STXBP4: variants seen among roughly 807,000 people sequenced by gnomAD.
STXBP4 encodes the protein syntaxin-binding protein 4.
A neutral mutation model predicts 76.1 loss-of-function variants in STXBP4; 55 were observed. That is an observed-to-expected ratio of 0.72 (90% CI 0.58 to 0.91). The LOEUF is 0.91. STXBP4 is among the 40% of genes least tolerant of loss of function. The pLI, the probability that STXBP4 is intolerant of heterozygous loss-of-function variation, is 0.00. For synonymous variants in STXBP4, 201 were observed against 220.2 expected, an observed-to-expected ratio of 0.91 and a Z score of 0.77; for missense variants, 618 against 636.9, an observed-to-expected ratio of 0.97 and a Z score of 0.32.
intron 16 of STXBP4, among the ~76,000 whole-genome samples, chr17:55,131,239 T>C (rs2079970837): frequency 6.6e-6 from 1 of 152,240 alleles, no homozygotes; most frequent in Non-Finnish European, 1.5e-5. Context: ...CTCATTGTGA[T>C]TTTATTTTGC....
chr17:55,010,039 TTAAAATAAAA>T (rs764972642), intron 8 of STXBP4, among the ~76,000 whole-genome samples: 162 of 152,000 alleles, frequency 1.1e-3, no homozygotes, highest in Non-Finnish European at 2.0e-3. Context: ...GATCAGGTAT[TTAAAATAAAA>T]TAAAATAAAA....
At chr17:55,187,823 T>C in the STXBP4 span, among the ~76,000 whole-genome samples, 128 of 152,276 alleles carry the variant, frequency 8.4e-4, 1 homozygote, top group African/African-American at 3.0e-3. Flanking sequence ...AATAAACCTT[T>C]CATAACCATC....
At chr17:54,977,450 A>G (rs2144301529) in intron 1 of STXBP4, among the ~76,000 whole-genome samples, 1 of 152,308 alleles carries the variant, frequency 6.6e-6, no homozygotes, top group Non-Finnish European at 1.5e-5. Flanking sequence ...TAATCTAGGG[A>G]TGATTTAAAA....
the STXBP4 span, among the ~76,000 whole-genome samples, chr17:55,188,997 T>C: frequency 6.6e-6 from 1 of 152,078 alleles, no homozygotes; most frequent in Non-Finnish European, 1.5e-5. Flanking sequence ...CTACCCAGTC[T>C]CCATCAAAGC....
intron 17 of STXBP4, among the ~76,000 whole-genome samples, chr17:55,152,723 T>A (rs1324503664): frequency 6.6e-6 from 1 of 152,114 alleles, no homozygotes; most frequent in Non-Finnish European, 1.5e-5. Flanking sequence ...CTCCCTCCCT[T>A]GATACTGGGG....
In STXBP4 at chr17:55,078,214, T is replaced by G. The variant is rs756182784; in HGVS notation, c.1305+20T>G. 1 of 1,489,706 alleles carries G rather than the reference T, an allele frequency of 6.7e-7. No individual in the cohort carries two copies. The highest frequency in any genetic ancestry group is 9.3e-7 in the Non-Finnish European group (1 of 1,079,550). The allele number at this position is 1,489,706 out of a possible 1,614,324, so 92.3% of individuals were successfully genotyped here. A position where few individuals can be genotyped will look rare whatever the true frequency, so the allele number is the denominator to read the frequency against. On this transcript the variant is annotated intron_variant, in intron 14 of 17. Transcript: ENST00000376352. ...GTAGAGGTAAGTTTTTCTGTTCTAT[T>G]ACATTCATCTTTAAAAAATATATAG...
chr17:55,146,418 G>T (rs576522015), intron 17 of STXBP4, among the ~76,000 whole-genome samples: 1 of 152,178 alleles, frequency 6.6e-6, no homozygotes, highest in East Asian at 1.9e-4. Flanking sequence ...GACTTCAAGA[G>T]TGGCTTAGTG....
At chr17:55,055,033 C>G (rs1453244935) in intron 12 of STXBP4, among the ~76,000 whole-genome samples, 1 of 152,094 alleles carries the variant, frequency 6.6e-6, no homozygotes, top group Non-Finnish European at 1.5e-5. Context: ...GTCTTCATGT[C>G]TGAAAAAGTG....
intron 7 of STXBP4, among the ~76,000 whole-genome samples, chr17:55,003,866 A>C (rs1156479381): frequency 6.6e-6 from 1 of 152,172 alleles, no homozygotes; most frequent in Non-Finnish European, 1.5e-5. Context: ...GACATTTCTA[A>C]GGATAGCAAT....
At chr17:54,986,919 T>C (rs965304835) in intron 3 of STXBP4, among the ~76,000 whole-genome samples, 1 of 152,228 alleles carries the variant, frequency 6.6e-6, no homozygotes, top group African/African-American at 2.4e-5. Flanking sequence ...GCTAGGAAGG[T>C]TGAATGGCAG....
At chr17:55,152,604 G>A (rs1005247025) in intron 17 of STXBP4, among the ~76,000 whole-genome samples, 4 of 152,262 alleles carry the variant, frequency 2.6e-5, no homozygotes, top group East Asian at 3.9e-4. Flanking sequence ...CAGCAGGAGT[G>A]AGAAGTGCAA....
chr17:55,152,146 T>C (rs1468974755), intron 17 of STXBP4, among the ~76,000 whole-genome samples: 1 of 152,208 alleles, frequency 6.6e-6, no homozygotes, highest in East Asian at 1.9e-4. Context: ...CTTTTGAGTA[T>C]TTTTACCCAG....
chr17:55,092,545 C>G (rs929190035), intron 16 of STXBP4, among the ~76,000 whole-genome samples: 1 of 152,096 alleles, frequency 6.6e-6, no homozygotes, highest in Non-Finnish European at 1.5e-5. Context: ...GTTATTTTTA[C>G]TCAACCAATT....
intron 4 of STXBP4, 164 bp downstream of exon 4, chr17:54,991,121 A>T: frequency 1.7e-6 from 1 of 578,696 alleles, no homozygotes; most frequent in Non-Finnish European, 2.6e-6. Context: ...AAGGAGCTTT[A>T]AACTAAGAAA....
At chr17:54,986,801 T>G (rs1567704231) in intron 3 of STXBP4, among the ~76,000 whole-genome samples, 2 of 152,202 alleles carry the variant, frequency 1.3e-5, no homozygotes, top group African/African-American at 4.8e-5. Context: ...TAAAATCCCT[T>G]AAAACAATAA....
chr17:55,051,891 T>G (rs1309937731), intron 12 of STXBP4, among the ~76,000 whole-genome samples: 1 of 152,174 alleles, frequency 6.6e-6, no homozygotes, highest in Non-Finnish European at 1.5e-5. Context: ...TATATGCGTG[T>G]GTATATATAC....
At chr17:55,043,596 T>C in intron 11 of STXBP4, 1 of 1,548,814 alleles carries the variant, frequency 6.5e-7, no homozygotes, top group Non-Finnish European at 8.7e-7. Flanking sequence ...TTATCCTTTT[T>C]ATTCTCTCTC....
At chr17:55,105,560 C>T (rs116997761) in intron 16 of STXBP4, among the ~76,000 whole-genome samples, 7 of 151,188 alleles carry the variant, frequency 4.6e-5, no homozygotes, top group East Asian at 3.9e-4. Context: ...CTCTGCCTTC[C>T]GGGTTCATAC....
chr17:55,134,352 A>C (rs244307), intron 16 of STXBP4, among the ~76,000 whole-genome samples: 2 of 151,724 alleles, frequency 1.3e-5, no homozygotes, highest in African/African-American at 2.4e-5. Context: ...TGAGATAACC[A>C]TGAAAACTAT....
Sources: gnomAD v4.1 joint callset for allele counts (sites outside exome capture counted in the v4.1 genomes callset) on GRCh38, gnomAD v4.1.1 for gene constraint, MANE v1.5 for transcripts, NCBI Gene and HGNC (gene_info 2026-07-23, HGNC 2026-07-21) for gene names.